The following BMPR1B variants were observed in gnomAD, a reference collection of about 807,000 sequenced individuals.
BMPR1B encodes the protein bone morphogenetic protein receptor type-1B.
In BMPR1B, 12 loss-of-function variants were observed where a neutral mutation model predicts 59.1. The ratio of observed to expected loss-of-function variants is 0.20; its 90% confidence interval spans 0.13 to 0.33. The LOEUF is 0.33. BMPR1B is among the 10% of genes least tolerant of loss of function. The pLI is 1.00. For synonymous variants in BMPR1B, 237 were observed against 207.3 expected (o/e 1.14, Z -1.23); for missense variants, 550 against 610.9 (o/e 0.90, Z 1.05).
At chr4:95,021,071 G>T (rs751609833) in intron 3 of BMPR1B, among the ~76,000 whole-genome samples, 1 of 152,090 alleles carries the variant, frequency 6.6e-6, no homozygotes, top group Non-Finnish European at 1.5e-5. Context: ...AAGAAAATAC[G>T]CTGAAAGAAA....
chr4:94,947,399 AGTTT>A (rs1325306372), intron 2 of BMPR1B, among the ~76,000 whole-genome samples: 9 of 152,204 alleles, frequency 5.9e-5, no homozygotes, highest in Admixed American at 2.0e-4. Flanking sequence ...GGATAGTGTG[AGTTT>A]GTTTGGGAAT....
intron 2 of BMPR1B, among the ~76,000 whole-genome samples, chr4:94,961,812 T>G (rs533502925): frequency 4.9e-4 from 75 of 152,316 alleles, no homozygotes; most frequent in African/African-American, 1.8e-3. Flanking sequence ...TATTTTTAAT[T>G]TTTATGAATG....
intron 1 of BMPR1B, among the ~76,000 whole-genome samples, chr4:94,864,533 G>A (rs911476792): frequency 1.3e-5 from 2 of 152,118 alleles, no homozygotes; most frequent in Non-Finnish European, 1.5e-5. Context: ...AAGCTGTATA[G>A]TTCTGTATTT....
At chr4:94,928,245 C>T (rs1728964522) in intron 2 of BMPR1B, among the ~76,000 whole-genome samples, 1 of 151,370 alleles carries the variant, frequency 6.6e-6, no homozygotes, top group Admixed American at 6.6e-5. Flanking sequence ...TCACTGTAAC[C>T]TCAAGCTCTT....
intron 2 of BMPR1B, among the ~76,000 whole-genome samples, chr4:94,889,952 T>C (rs1727325136): frequency 6.6e-6 from 1 of 151,476 alleles, no homozygotes; most frequent in Non-Finnish European, 1.5e-5. Flanking sequence ...TTCTGACCCC[T>C]CCTCTACCCC....
Position 94,896,805 on chromosome 4 carries a change from G to A in BMPR1B, c.-113+20905G>A, listed in dbSNP as rs537677232. On this transcript the variant is annotated intron_variant, in intron 2 of 12. Coordinates refer to ENST00000515059, the MANE Select transcript of BMPR1B (RefSeq NM_001203.3). ...TTTTAGAAAATGATTAAGTGCCAAA[G>A]TAAGACCCTATTGTAAGGAGAGGCT... Among the ~76,000 whole-genome samples the A allele has an allele frequency of 3.3e-5, 5 of 152,088 alleles. No homozygotes were observed. The East Asian group carries it at 9.7e-4, about 29-fold the overall frequency.
chr4:95,091,354 T>A (rs1043799518), intron 3 of BMPR1B: 1 of 544,522 alleles, frequency 1.8e-6, no homozygotes. Context: ...TCATATGCCA[T>A]GGGTCCTGAA....
At chr4:95,098,229 TTTC>T (rs1470272228) in intron 3 of BMPR1B, among the ~76,000 whole-genome samples, 1 of 152,168 alleles carries the variant, frequency 6.6e-6, no homozygotes, top group Non-Finnish European at 1.5e-5. Flanking sequence ...TCATTTGTCT[TTTC>T]TTCTATTTAT....
At chr4:95,139,455 T>C (rs915170440) in intron 10 of BMPR1B, among the ~76,000 whole-genome samples, 1 of 152,122 alleles carries the variant, frequency 6.6e-6, no homozygotes, top group Non-Finnish European at 1.5e-5. Flanking sequence ...CAGACAGGGA[T>C]GTTTAAGTCT....
intron 3 of BMPR1B, among the ~76,000 whole-genome samples, chr4:95,001,691 CATTG>C (rs925906705): frequency 6.6e-6 from 1 of 152,108 alleles, no homozygotes; most frequent in African/African-American, 2.4e-5. Flanking sequence ...CCTAGAAAAA[CATTG>C]TTTAAAACAA....
In BMPR1B at chr4:94,982,785, C is replaced by A. The variant is rs1030305750; in HGVS notation, c.-112-13255C>A. ...AGGCGGGCGGATCAGGAGATCAAGACCATCCTGGCTAACACGGTGAAACCC... is the reference window on the plus strand; with the variant it reads ...AGGCGGGCGGATCAGGAGATCAAGAACATCCTGGCTAACACGGTGAAACCC... On this transcript the variant is annotated intron_variant, in intron 2 of 12. Transcript: ENST00000515059. 1.4e-4 allele frequency among the ~76,000 whole-genome samples: 22 copies of A among 152,040 alleles called. 1 individual carries two copies. Among genetic ancestry groups the A allele is most frequent in the Middle Eastern group, 6.8e-3 (2 of 294 alleles).
At chr4:94,903,737 G>A (rs868601117) in intron 2 of BMPR1B, among the ~76,000 whole-genome samples, 1 of 151,850 alleles carries the variant, frequency 6.6e-6, no homozygotes, top group African/African-American at 2.4e-5. Context: ...GCCTTAATCC[G>A]GTATGACTGG....
chr4:94,896,592 A>G (rs1224466507), intron 2 of BMPR1B, among the ~76,000 whole-genome samples: 3 of 152,060 alleles, frequency 2.0e-5, no homozygotes, highest in Non-Finnish European at 4.4e-5. Flanking sequence ...AATACCTATG[A>G]ATTGGTTCTA....
intron 2 of BMPR1B, among the ~76,000 whole-genome samples, chr4:94,879,509 C>T (rs1289627640): frequency 6.6e-6 from 1 of 152,080 alleles, no homozygotes; most frequent in Non-Finnish European, 1.5e-5. Flanking sequence ...GAGGCTGAGG[C>T]AGGAGGATCA....
At chr4:94,813,845 A>G (rs550573431) in intron 1 of BMPR1B, among the ~76,000 whole-genome samples, 36 of 152,268 alleles carry the variant, frequency 2.4e-4, no homozygotes, top group Middle Eastern at 3.4e-3. Flanking sequence ...GTGGCATGAA[A>G]AGGAGGAGTC....
In BMPR1B at chr4:95,125,131, G is replaced by C. The variant is rs1184400574; in HGVS notation, c.585+10G>C. The C allele has an allele frequency of 6.2e-7, 1 of 1,613,510 alleles. No homozygotes were observed. The highest frequency in any genetic ancestry group is 1.7e-5 in the Admixed American group (1 of 59,938). ...AGGCCTCCCTCTGCTGGTATGAGAA[G>C]AACACATCTTGAATTTAAAGGAAAT... On this transcript the variant is annotated intron_variant, in intron 8 of 12. Transcript: ENST00000515059.
intron 10 of BMPR1B, among the ~76,000 whole-genome samples, chr4:95,139,212 G>A (rs183664690): frequency 2.8e-3 from 431 of 152,274 alleles, no homozygotes; most frequent in African/African-American, 9.6e-3. Context: ...TATCACCAGC[G>A]GAGGCTGCAG....
chr4:94,933,493 C>T (rs953378557), intron 2 of BMPR1B, among the ~76,000 whole-genome samples: 5 of 152,000 alleles, frequency 3.3e-5, no homozygotes, highest in African/African-American at 1.2e-4. Flanking sequence ...GGAAATGAGA[C>T]AAACTCAAGC....
intron 3 of BMPR1B, among the ~76,000 whole-genome samples, chr4:95,027,481 A>T (rs539323504): frequency 8.4e-4 from 128 of 152,306 alleles, no homozygotes; most frequent in Non-Finnish European, 1.0e-3. Context: ...GAACTGGATG[A>T]TAAATGCCGA....
Sources: allele counts gnomAD v4.1 joint callset (sites outside exome capture counted in the v4.1 genomes callset), GRCh38; gene constraint gnomAD v4.1.1; transcripts MANE v1.5; gene names NCBI Gene and HGNC (gene_info 2026-07-23, HGNC 2026-07-21).